ATG7: variants seen among roughly 807,000 people sequenced by gnomAD.
ATG7 encodes the protein autophagy related 7.
A neutral mutation model predicts 82.4 loss-of-function variants in ATG7; 70 were observed. The ratio of observed to expected loss-of-function variants is 0.85; its 90% confidence interval spans 0.70 to 1.04. ATG7 has a LOEUF of 1.04. Ranked by LOEUF, ATG7 falls within the 50% of genes least tolerant of loss-of-function variation. The probability of loss-of-function intolerance (pLI) is 0.00; values close to 1 mark genes in which losing one functional copy is unlikely to be tolerated. For synonymous variants in ATG7, 287 were observed against 313.0 expected (o/e 0.92, Z 0.88); for missense variants, 792 against 864.3 (o/e 0.92, Z 1.05).
intron 20 of ATG7, among the ~76,000 whole-genome samples, chr3:11,470,727 G>C (rs2087401638): frequency 6.6e-6 from 1 of 152,220 alleles, no homozygotes; most frequent in African/African-American, 2.4e-5. Context: ...GGGGCCACCA[G>C]AGGACATGGA....
chr3:11,566,336 C>T, the ATG7 span, among the ~76,000 whole-genome samples: 3 of 152,346 alleles, frequency 2.0e-5, no homozygotes, highest in South Asian at 2.1e-4. Context: ...CCTTGACTCC[C>T]GCGATGGTGA....
rs183657304 is a variant in ATG7, at chr3:11,394,948, A to G, written c.1956+14896A>G. On this transcript the variant is annotated intron_variant, in intron 19 of 20. Transcript: ENST00000693202. Reference sequence around the variant, plus strand: ...GTTGGCAGAAGCAAAGACAAAAGAAATACAGACATACAGAGATTCTAGATA... The same window carrying G: ...GTTGGCAGAAGCAAAGACAAAAGAAGTACAGACATACAGAGATTCTAGATA... Among the ~76,000 whole-genome samples, 12 of 152,318 alleles carry G rather than the reference A, an allele frequency of 7.9e-5. No individual in the cohort carries two copies. The East Asian group carries it at 2.3e-3, about 29-fold the overall frequency.
intron 19 of ATG7, among the ~76,000 whole-genome samples, chr3:11,401,803 C>T (rs953621832): frequency 6.6e-6 from 1 of 152,192 alleles, no homozygotes; most frequent in Non-Finnish European, 1.5e-5. Context: ...GTAATGGATG[C>T]TCAGCAAATA....
Position 11,298,804 on chromosome 3 carries a change from G to A in ATG7, c.109G>A (p.Glu37Lys). The A allele has an allele frequency of 1.2e-6, 2 of 1,614,174 alleles. No homozygotes were observed. The highest frequency in any genetic ancestry group is 2.2e-5 in the East Asian group (1 of 44,882). Reference sequence around the variant, plus strand: ...TGAGTTGACCCAGAAGAAGCTGAACGAGTATCGGCTGGATGAAGCTCCCAA... The same window carrying A: ...TGAGTTGACCCAGAAGAAGCTGAACAAGTATCGGCTGGATGAAGCTCCCAA... ...WHELTQKKLN[E>K]YRLDEAPKDI... The change falls in exon 4 of 21, where the codon GAG becomes AAG. Residue 37 changes from glutamate to lysine, a missense_variant. Glu to Lys is a moderately conservative substitution (Grantham distance 56, BLOSUM62 1). Coordinates refer to ENST00000693202, the MANE Select transcript of ATG7 (RefSeq NM_001349232.2).
chr3:11,410,647 G>T (rs140004139), intron 19 of ATG7, among the ~76,000 whole-genome samples: 192 of 152,234 alleles, frequency 1.3e-3, no homozygotes, highest in Middle Eastern at 0.01. Flanking sequence ...CATAAGTAGA[G>T]TCATACATTA....
At chr3:11,303,215 C>T (rs892601599) in intron 5 of ATG7, among the ~76,000 whole-genome samples, 36 of 152,240 alleles carry the variant, frequency 2.4e-4, no homozygotes, top group African/African-American at 8.2e-4. Context: ...TCACTCCACT[C>T]AGATTCTACT....
intron 20 of ATG7, among the ~76,000 whole-genome samples, chr3:11,485,214 T>C (rs981165267): frequency 6.6e-6 from 1 of 152,246 alleles, no homozygotes; most frequent in Non-Finnish European, 1.5e-5. Context: ...TGTTGTTTCC[T>C]GACTTTTTAA....
intron 9 of ATG7, among the ~76,000 whole-genome samples, chr3:11,316,875 A>G (rs1451943542): frequency 1.3e-5 from 2 of 152,254 alleles, no homozygotes; most frequent in African/African-American, 2.4e-5. Context: ...TCAGAGCTGA[A>G]AAAAGGAAAG....
At chr3:11,558,696 G>A, downstream of ATG7, 6 of 1,614,050 alleles carry the variant, frequency 3.7e-6, no homozygotes, top group Non-Finnish European at 5.1e-6. Context: ...GTGTCACCCA[G>A]AGCTTTGGCA....
At chr3:11,334,686 C>T (rs963672762) in intron 11 of ATG7, among the ~76,000 whole-genome samples, 3 of 150,542 alleles carry the variant, frequency 2.0e-5, no homozygotes, top group African/African-American at 2.4e-5. Context: ...GGCCAGGCGC[C>T]GTGGGTTATG....
intron 19 of ATG7, among the ~76,000 whole-genome samples, chr3:11,415,835 T>C (rs2081329669): frequency 6.6e-6 from 1 of 152,014 alleles, no homozygotes; most frequent in African/African-American, 2.4e-5. Flanking sequence ...ATAGTAAATA[T>C]ATAAACATAA....
At chr3:11,499,544 G>A (rs1041623935) in intron 20 of ATG7, among the ~76,000 whole-genome samples, 2 of 152,034 alleles carry the variant, frequency 1.3e-5, no homozygotes, top group Admixed American at 1.3e-4. Flanking sequence ...TCAGGAGTTC[G>A]AGACCAGCCT....
intron 7 of ATG7, among the ~76,000 whole-genome samples, chr3:11,312,063 G>A (rs1190128509): frequency 6.6e-6 from 1 of 151,344 alleles, no homozygotes; most frequent in African/African-American, 2.4e-5. Flanking sequence ...ATTTCTTTTT[G>A]GAGTGATGAA....
intron 20 of ATG7, among the ~76,000 whole-genome samples, chr3:11,538,678 A>T (rs1308412287): frequency 6.4e-4 from 3 of 4,686 alleles, no homozygotes; most frequent in African/African-American, 1.7e-3. Flanking sequence ...CTCCGTCTCT[A>T]AAAAAAAAAA....
intron 19 of ATG7, among the ~76,000 whole-genome samples, chr3:11,392,475 A>AAAAAAAAC (rs1559526546): frequency 2.2e-5 from 2 of 92,296 alleles, no homozygotes; most frequent in African/African-American, 7.0e-5. Context: ...AACAAACAAA[A>AAAAAAAAC]AAAACAAAAC....
intron 20 of ATG7, among the ~76,000 whole-genome samples, chr3:11,497,039 C>T (rs988979872): frequency 1.3e-5 from 2 of 151,256 alleles, no homozygotes; most frequent in Admixed American, 6.6e-5. Flanking sequence ...TTAGTAGAGA[C>T]GGGGTTTCAC....
intron 20 of ATG7, among the ~76,000 whole-genome samples, chr3:11,441,436 G>GTT (rs1170991150): frequency 1.3e-5 from 2 of 151,820 alleles, no homozygotes; most frequent in African/African-American, 4.8e-5. Context: ...TAGAGACAAG[G>GTT]TTTCAGCATC....
intron 5 of ATG7, 51 bp from the exon 6 acceptor site, chr3:11,306,892 C>A: frequency 6.8e-7 from 1 of 1,466,398 alleles, no homozygotes; most frequent in Admixed American, 1.7e-5. Context: ...CTTGTCTCTC[C>A]CTGGCTGAGT....
chr3:11,324,471 C>T (rs1018645852), intron 9 of ATG7, among the ~76,000 whole-genome samples: 1 of 152,184 alleles, frequency 6.6e-6, no homozygotes, highest in African/African-American at 2.4e-5. Flanking sequence ...CGCCTGCCTT[C>T]TGCACTTATG....
Sources: allele counts gnomAD v4.1 joint callset (sites outside exome capture counted in the v4.1 genomes callset), GRCh38; gene constraint gnomAD v4.1.1; transcripts MANE v1.5; gene names NCBI Gene and HGNC (gene_info 2026-07-23, HGNC 2026-07-21).